Variants in LRP1B observed in about 807,000 individuals in gnomAD.
LRP1B encodes the protein low-density lipoprotein receptor-related protein 1B.
Under a neutral mutation model 556.6 loss-of-function variants are expected in LRP1B, and 217 were observed. The observed-to-expected ratio is 0.39, with a 90% CI of 0.35 to 0.44. The LOEUF (loss-of-function observed/expected upper bound fraction) is 0.44. LRP1B is among the 20% of genes least tolerant of loss of function. LRP1B has a pLI of 1.00. For missense variants in LRP1B, 5,053 were observed against 5,620.8 expected (o/e 0.90, Z 3.23); for synonymous variants, 2,047 against 1,865.8 (o/e 1.10, Z -2.50).
intron 7 of LRP1B, among the ~76,000 whole-genome samples, chr2:141,176,847 C>T (rs1680759514): frequency 6.6e-6 from 1 of 151,830 alleles, no homozygotes; most frequent in African/African-American, 2.4e-5. Context: ...AAATAGAGGC[C>T]TTTGAGATGT....
intron 25 of LRP1B, among the ~76,000 whole-genome samples, chr2:140,879,102 A>C (rs1693395259): frequency 6.6e-6 from 1 of 152,196 alleles, no homozygotes; most frequent in Admixed American, 6.5e-5. Flanking sequence ...CAATAGATGT[A>C]GATAAGGCTG....
intron 7 of LRP1B, among the ~76,000 whole-genome samples, chr2:141,070,603 A>G (rs150921224): frequency 0.49 from 74,104 of 151,606 alleles, 19,109 homozygotes; most frequent in Non-Finnish European, 0.58. Context: ...TTGATAGACC[A>G]CTAGCAAGAT....
At chr2:141,455,504 AT>A (rs58497312) in intron 3 of LRP1B, among the ~76,000 whole-genome samples, 40,182 of 150,100 alleles carry the variant, frequency 0.27, 5,449 homozygotes, top group South Asian at 0.34. Flanking sequence ...AATGACGTTC[AT>A]TTTTTTTTTC....
At chr2:141,860,605 CAGA>C (rs1361628741) in intron 1 of LRP1B, among the ~76,000 whole-genome samples, 1 of 151,614 alleles carries the variant, frequency 6.6e-6, no homozygotes, top group African/African-American at 2.4e-5. Flanking sequence ...ATAATAAAAG[CAGA>C]AGATGATATA....
intron 2 of LRP1B, among the ~76,000 whole-genome samples, chr2:141,548,924 G>A (rs1685651136): frequency 6.6e-6 from 1 of 151,634 alleles, no homozygotes; most frequent in Non-Finnish European, 1.5e-5. Context: ...TGAAATATCT[G>A]GTGTCTTTTT....
chr2:140,766,585 A>G (rs12478753), intron 35 of LRP1B, among the ~76,000 whole-genome samples: 88,711 of 150,946 alleles, frequency 0.59, 26,239 homozygotes, highest in East Asian at 0.76. Flanking sequence ...ATAAATAGTT[A>G]CTGATATCTA....
intron 1 of LRP1B, among the ~76,000 whole-genome samples, chr2:141,990,180 A>G (rs1702306213): frequency 6.6e-6 from 1 of 152,110 alleles, no homozygotes; most frequent in Non-Finnish European, 1.5e-5. Context: ...AACTGACGTG[A>G]AACAAATTTG....
intron 23 of LRP1B, among the ~76,000 whole-genome samples, chr2:140,888,872 A>T (rs1367696011): frequency 6.6e-6 from 1 of 150,824 alleles, no homozygotes; most frequent in Non-Finnish European, 1.5e-5. Flanking sequence ...CTGAGGCAGG[A>T]GAATCACTTG....
chr2:140,254,574 G>A (rs954625677), intron 86 of LRP1B, among the ~76,000 whole-genome samples: 1 of 152,036 alleles, frequency 6.6e-6, no homozygotes, highest in Admixed American at 6.6e-5. Flanking sequence ...TTTGTTTTGA[G>A]ATGGAGTCTT....
intron 2 of LRP1B, among the ~76,000 whole-genome samples, chr2:141,583,139 A>G (rs1341268639): frequency 6.6e-6 from 1 of 152,016 alleles, no homozygotes; most frequent in Admixed American, 6.6e-5. Context: ...CCCGGCCAAC[A>G]ATAATCATTT....
At chr2:141,231,878 G>C (rs1402638503) in intron 5 of LRP1B, among the ~76,000 whole-genome samples, 1 of 152,060 alleles carries the variant, frequency 6.6e-6, no homozygotes, top group Non-Finnish European at 1.5e-5. Flanking sequence ...GCCTCAATGA[G>C]ATTATAAAAC....
chr2:140,717,005 CTTA>C (rs921287162), intron 35 of LRP1B, among the ~76,000 whole-genome samples, 189 bp from the exon 36 acceptor site: 7 of 151,834 alleles, frequency 4.6e-5, no homozygotes, highest in African/African-American at 1.7e-4. Flanking sequence ...CATGAAAGAA[CTTA>C]TATTTCAGTC....
intron 3 of LRP1B, among the ~76,000 whole-genome samples, chr2:141,405,643 A>C (rs1266543901): frequency 6.6e-6 from 1 of 152,106 alleles, no homozygotes; most frequent in Non-Finnish European, 1.5e-5. Context: ...TACTTATTTT[A>C]AAAAATGATT....
At chr2:141,623,787 T>C (rs868334231) in intron 2 of LRP1B, among the ~76,000 whole-genome samples, 20 of 151,014 alleles carry the variant, frequency 1.3e-4, no homozygotes, top group African/African-American at 4.1e-4. Context: ...GAAGCCGAGA[T>C]GGGTGGATCA....
chr2:140,833,621 C>T (rs1322141950), intron 31 of LRP1B, among the ~76,000 whole-genome samples: 1 of 152,022 alleles, frequency 6.6e-6, no homozygotes, highest in Non-Finnish European at 1.5e-5. Context: ...AAATTGTTTT[C>T]TTTATATGTC....
chr2:141,148,981 C>T (rs1168940902), intron 7 of LRP1B, among the ~76,000 whole-genome samples: 1 of 151,876 alleles, frequency 6.6e-6, no homozygotes, highest in Admixed American at 6.6e-5. Flanking sequence ...CCCAGCTACT[C>T]GGGAGGCTGA....
chr2:141,552,316 C>G (rs1256898417), intron 2 of LRP1B, among the ~76,000 whole-genome samples: 2 of 151,878 alleles, frequency 1.3e-5, no homozygotes, highest in Non-Finnish European at 2.9e-5. Flanking sequence ...TTTTGGAACT[C>G]AAAGGTCTAG....
At chr2:141,009,186 T>A (rs1697667159) in intron 14 of LRP1B, among the ~76,000 whole-genome samples, 1 of 151,556 alleles carries the variant, frequency 6.6e-6, no homozygotes, top group African/African-American at 2.4e-5. Context: ...CTATGGGGAT[T>A]CTCTTTTTTT....
intron 7 of LRP1B, among the ~76,000 whole-genome samples, chr2:141,114,777 T>C (rs1005197883): frequency 6.6e-6 from 1 of 152,152 alleles, no homozygotes; most frequent in Non-Finnish European, 1.5e-5. Flanking sequence ...CCCTGCCTCC[T>C]GTTTGTATAA....
Sources: gnomAD v4.1 joint callset for allele counts (sites outside exome capture counted in the v4.1 genomes callset) on GRCh38, gnomAD v4.1.1 for gene constraint, MANE v1.5 for transcripts, NCBI Gene and HGNC (gene_info 2026-07-23, HGNC 2026-07-21) for gene names.